Variants in GABRR2 observed in about 807,000 individuals in gnomAD.
GABRR2 encodes gamma-aminobutyric acid receptor subunit rho-2.
GABRR2 carries 36 observed loss-of-function variants against 47.0 expected under a neutral mutation model. The observed-to-expected ratio is 0.77, with a 90% CI of 0.59 to 1.01. The LOEUF (loss-of-function observed/expected upper bound fraction) is 1.01, where lower values mean the gene tolerates loss of function less well. Ranked by LOEUF, GABRR2 falls within the 50% of genes least tolerant of loss-of-function variation. The pLI is 0.00. For missense variants in GABRR2, 587 were observed against 594.6 expected (o/e 0.99, Z 0.13); for synonymous variants, 204 against 227.5 (o/e 0.90, Z 0.93).
intron 1 of GABRR2, among the ~76,000 whole-genome samples, chr6:89,312,490 C>T (rs1182092202): frequency 6.6e-6 from 1 of 152,104 alleles, no homozygotes; most frequent in Non-Finnish European, 1.5e-5. Flanking sequence ...AGTGTGTGCC[C>T]GTGAAGTCAC....
Position 89,264,516 on chromosome 6 carries a change from G to A in GABRR2, c.982C>T (p.Leu328Phe), listed in dbSNP as rs768977690. ...VSYVKAVDIY[L>F]WVSFVFVFLS... ...AACACGAACACAAAGCTGACCCAGA[G>A]GTAGATGTCCACGGCCTTGACGTAG... Residue 328 changes from leucine (L) to phenylalanine (F), a missense_variant, in exon 8 of 9, where the codon CTC becomes TTC. Leu to Phe is a conservative substitution (Grantham distance 22). Coordinates refer to ENST00000402938, the MANE Select transcript of GABRR2 (RefSeq NM_002043.5). 2.5e-6 allele frequency: 4 copies of A among 1,614,096 alleles called. No homozygotes were observed. Among genetic ancestry groups the A allele is most frequent in the Admixed American group, 3.3e-5 (2 of 60,026 alleles).
At chr6:89,276,760 T>C (rs982634669) in intron 2 of GABRR2, among the ~76,000 whole-genome samples, 8 of 152,200 alleles carry the variant, frequency 5.3e-5, no homozygotes, top group Admixed American at 1.3e-4. Flanking sequence ...ACTATTAGAC[T>C]GATAAAAGAG....
Position 89,302,084 on chromosome 6 carries a change from G to A in GABRR2, c.114-2219C>T, listed in dbSNP as rs895069169. The A allele has an allele frequency of 3.8e-5, 24 of 634,280 alleles. 1 individual carries two copies. In the African/African-American group the frequency reaches 4.0e-4, roughly 11 times the overall value. 39.3% of individuals were successfully genotyped at this position (634,280 alleles called of 1,614,324 possible). A position where few individuals can be genotyped will look rare whatever the true frequency, so the allele number is the denominator to read the frequency against. ...TCAGAGTGGGGCCGGCAATAACTGG[G>A]CCAGGGGTCACTACACGGAGGGTGC... On this transcript the variant is annotated intron_variant, in intron 1 of 8. Transcript: ENST00000402938.
chr6:89,266,137 A>T (rs1039085224), intron 6 of GABRR2, among the ~76,000 whole-genome samples: 2 of 152,196 alleles, frequency 1.3e-5, no homozygotes, highest in African/African-American at 4.8e-5. Context: ...CTCACAGCTC[A>T]CTGCAGCCTC....
chr6:89,264,330 C>G (rs1276280235), intron 8 of GABRR2, 82 bp downstream of exon 8: 7 of 1,457,424 alleles, frequency 4.8e-6, no homozygotes, highest in Non-Finnish European at 6.4e-6. Flanking sequence ...CATGCAACCC[C>G]TGCCTCTGCC....
chr6:89,271,468 A>C (rs970097505), intron 3 of GABRR2, among the ~76,000 whole-genome samples, 187 bp downstream of exon 3: 1 of 152,044 alleles, frequency 6.6e-6, no homozygotes, highest in Non-Finnish European at 1.5e-5. Flanking sequence ...CATTTAACCA[A>C]CTCCTTAGGT....
intron 1 of GABRR2, among the ~76,000 whole-genome samples, chr6:89,314,362 G>A (rs1029505192): frequency 1.3e-5 from 2 of 152,180 alleles, no homozygotes; most frequent in African/African-American, 2.4e-5. Context: ...CCTGGAGTAT[G>A]ATGCTTCGTA....
intron 2 of GABRR2, among the ~76,000 whole-genome samples, chr6:89,298,069 ATG>A (rs1774587768): frequency 6.6e-6 from 1 of 152,200 alleles, no homozygotes; most frequent in African/African-American, 2.4e-5. Context: ...AGGCTTGCCC[ATG>A]ACGAATCCCC....
At chr6:89,283,286 G>C (rs1281308749) in intron 2 of GABRR2, among the ~76,000 whole-genome samples, 1 of 151,310 alleles carries the variant, frequency 6.6e-6, no homozygotes, top group Admixed American at 6.6e-5. Context: ...TATCTATTTA[G>C]AGAATCCTAT....
At chr6:89,280,004 G>C (rs1774228574) in intron 2 of GABRR2, among the ~76,000 whole-genome samples, 1 of 152,006 alleles carries the variant, frequency 6.6e-6, no homozygotes, top group South Asian at 2.1e-4. Context: ...GAAGCCAAGA[G>C]TTAGAGACTA....
chr6:89,299,333 G>C (rs573160113), intron 2 of GABRR2, among the ~76,000 whole-genome samples: 2 of 152,234 alleles, frequency 1.3e-5, no homozygotes, highest in East Asian at 3.9e-4. Flanking sequence ...CTCACACCCA[G>C]ACACACACAC....
intron 1 of GABRR2, among the ~76,000 whole-genome samples, chr6:89,301,409 A>G (rs929474241): frequency 2.6e-5 from 4 of 152,268 alleles, no homozygotes; most frequent in African/African-American, 7.2e-5. Context: ...AGGGCATCCA[A>G]ATAGGAAGAG....
chr6:89,269,799 G>A (rs2127833666), intron 3 of GABRR2, among the ~76,000 whole-genome samples: 1 of 152,346 alleles, frequency 6.6e-6, no homozygotes, highest in Admixed American at 6.5e-5. Flanking sequence ...AAAGATCGGG[G>A]AGATAAATGG....
chr6:89,268,202 A>C, intron 4 of GABRR2, 106 bp from the exon 5 acceptor site: 3 of 776,388 alleles, frequency 3.9e-6, no homozygotes, highest in South Asian at 1.5e-5. Flanking sequence ...GCCTCCTCAC[A>C]TCTGCTGCAG....
intron 2 of GABRR2, among the ~76,000 whole-genome samples, chr6:89,292,346 TTATATATATATA>T (rs57703020): frequency 0.13 from 1,860 of 13,810 alleles, 221 homozygotes; most frequent in East Asian, 0.33. Context: ...AAAAAAAATT[TTATATATATATA>T]TATATATATA....
Position 89,280,225 on chromosome 6 carries a change from T to TA in GABRR2, c.221-8504dup, listed in dbSNP as rs1158807808. Among the ~76,000 whole-genome samples the TA allele has an allele frequency of 3.1e-3, 226 of 73,472 alleles. 3 individuals are homozygous for TA. The highest frequency in any genetic ancestry group is 0.011 in the African/African-American group (202 of 17,878). 48.2% of individuals were successfully genotyped at this position (73,472 alleles called of 152,430 possible). ...GTCTAAAAACAAATATATATATATATATATATATATATATATATATATATA... is the reference window on the plus strand; with the variant it reads ...GTCTAAAAACAAATATATATATATATAATATATATATATATATATATATATA... On this transcript the variant is annotated intron_variant, in intron 2 of 8. Transcript: ENST00000402938.
Position 89,292,860 on chromosome 6 carries a change from T to TATACGATATATCGTATATATCATATCG in GABRR2, c.220+6898_220+6899insCGATATGATATATACGATATATCGTAT, listed in dbSNP as rs1437383565. 1.4e-5 allele frequency among the ~76,000 whole-genome samples: 2 copies of TATACGATATATCGTATATATCATATCG among 139,544 alleles called. 1 individual carries two copies. Among genetic ancestry groups the TATACGATATATCGTATATATCATATCG allele is most frequent in the African/African-American group, 5.7e-5 (2 of 34,868 alleles). The allele number at this position is 139,544 out of a possible 152,430, so 91.5% of individuals were successfully genotyped here. On this transcript the variant is annotated intron_variant, in intron 2 of 8. Coordinates refer to ENST00000402938, the MANE Select transcript of GABRR2 (RefSeq NM_002043.5). ...TACGATATATCGTATATATCATATA[T>TATACGATATATCGTATATATCATATCG]TATATATCTATATATCATATATAGA...
intron 2 of GABRR2, among the ~76,000 whole-genome samples, chr6:89,290,055 A>G (rs1243641335): frequency 6.6e-6 from 1 of 152,222 alleles, no homozygotes; most frequent in East Asian, 1.9e-4. Context: ...AGTGCCAAGT[A>G]GCGCTCCATG....
chr6:89,307,941 C>T (rs1230857163), intron 1 of GABRR2, among the ~76,000 whole-genome samples: 6 of 151,542 alleles, frequency 4.0e-5, no homozygotes, highest in Non-Finnish European at 7.4e-5. Context: ...CTCAGCCTCC[C>T]GAGTAGCTGG....
Sources: allele counts gnomAD v4.1 joint callset (sites outside exome capture counted in the v4.1 genomes callset), GRCh38; gene constraint gnomAD v4.1.1; transcripts MANE v1.5; gene names NCBI Gene and HGNC (gene_info 2026-07-23, HGNC 2026-07-21).